HNRNPA3: variants seen among roughly 807,000 people sequenced by gnomAD.
HNRNPA3 encodes the protein epididymis secretory sperm binding protein.
A neutral mutation model predicts 45.8 loss-of-function variants in HNRNPA3; 3 were observed. That is an observed-to-expected ratio of 0.07 (90% CI 0.03 to 0.17). The LOEUF (loss-of-function observed/expected upper bound fraction) is 0.17, where lower values mean the gene tolerates loss of function less well. Among genes scored for constraint, HNRNPA3 ranks in the 10% least tolerant of loss-of-function variants. The pLI is 1.00. For synonymous variants in HNRNPA3, 170 were observed against 155.6 expected (o/e 1.09, Z -0.69); for missense variants, 183 against 480.3 (o/e 0.38, Z 5.79).
In HNRNPA3 at chr2:177,216,247, A is replaced by G. The variant is rs1688925493; in HGVS notation, c.553+59A>G. On this transcript the variant is annotated intron_variant, in intron 4 of 10. Coordinates refer to ENST00000392524, the Ensembl canonical transcript of HNRNPA3. ...AGTAGAACTGGTTTTTCTGTTTTGA[A>G]CTAAATTTGCTAAATTGTAATTTTC... 5 of 1,203,284 alleles carry G rather than the reference A, an allele frequency of 4.2e-6. No homozygotes were observed. In the East Asian group the frequency reaches 1.2e-4, roughly 28 times the overall value. The allele number at this position is 1,203,284 out of a possible 1,614,324, so 74.5% of individuals were successfully genotyped here. A position where few individuals can be genotyped will look rare whatever the true frequency, so the allele number is the denominator to read the frequency against.
chr2:177,218,284 G>A (rs766763322), intron 8 of HNRNPA3, among the ~76,000 whole-genome samples: 13 of 152,066 alleles, frequency 8.5e-5, no homozygotes, highest in South Asian at 4.2e-4. Flanking sequence ...GGATGGTCTC[G>A]ATCTCCTGAC....
chr2:177,214,607 A>G (rs993101252), intron 1 of HNRNPA3, among the ~76,000 whole-genome samples: 1 of 152,172 alleles, frequency 6.6e-6, no homozygotes, highest in African/African-American at 2.4e-5. Context: ...CATTCTGGCT[A>G]ACACGGTGAA....
chr2:177,222,983 C>T (rs909318180), downstream of HNRNPA3: 3 of 152,512 alleles, frequency 2.0e-5, no homozygotes, highest in African/African-American at 4.8e-5. Context: ...ACTGAATTAC[C>T]GTTCAAACTG....
At chr2:177,223,812 G>A (rs1471968391), downstream of HNRNPA3, 2 of 152,160 alleles carry the variant, frequency 1.3e-5, no homozygotes, top group Non-Finnish European at 2.9e-5. Flanking sequence ...ATAATGAAAT[G>A]TTTACAGAAA....
intron 8 of HNRNPA3, among the ~76,000 whole-genome samples, chr2:177,218,249 A>C (rs1056386970): frequency 6.6e-6 from 1 of 151,756 alleles, no homozygotes; most frequent in Non-Finnish European, 1.5e-5. Context: ...TTTTTAGTAG[A>C]GATGGGGTTT....
chr2:177,213,149 C>G (rs1182605345), intron 1 of HNRNPA3, among the ~76,000 whole-genome samples: 2 of 149,596 alleles, frequency 1.3e-5, no homozygotes, highest in Non-Finnish European at 3.0e-5. Context: ...GCCTCCGAAG[C>G]GAGGCCGAGG....
exon 6 of HNRNPA3, chr2:177,216,696 A>C (rs1411759310): frequency 1.2e-6 from 2 of 1,614,160 alleles, no homozygotes; most frequent in Middle Eastern, 1.6e-4. Flanking sequence ...TGGATCTGGC[A>C]ATTTTATGGG....
intron 1 of HNRNPA3, 49 bp downstream of exon 1, chr2:177,212,920 GC>G (rs780507149): frequency 1.5e-4 from 188 of 1,221,170 alleles, no homozygotes; most frequent in Non-Finnish European, 2.0e-4. Flanking sequence ...GGCGTTGGGG[GC>G]CTGGTTCGGT....
downstream of HNRNPA3, chr2:177,222,317 T>C (rs1689214913): frequency 6.6e-6 from 1 of 152,220 alleles, no homozygotes; most frequent in Non-Finnish European, 1.5e-5. Context: ...CCCTGCGAAA[T>C]AGCCATAAGT....
intron 8 of HNRNPA3, 58 bp downstream of exon 8, chr2:177,217,903 A>G (rs1440021179): frequency 6.4e-6 from 9 of 1,416,148 alleles, no homozygotes; most frequent in African/African-American, 5.8e-5. Context: ...AACAGTTCCC[A>G]TGACACATAT....
chr2:177,217,630 C>A (rs959403769), intron 7 of HNRNPA3, 75 bp from the exon 8 acceptor site: 42 of 1,564,804 alleles, frequency 2.7e-5, no homozygotes, highest in Admixed American at 1.2e-4. Context: ...CAGTCTCTTA[C>A]ACACACACCA....
rs374425568 is a variant in HNRNPA3 at position 177,219,234 on chromosome 2, T to C, written c.1085-13T>C. On this transcript the variant is annotated splice_polypyrimidine_tract_variant and intron_variant, in intron 9 of 10. Coordinates refer to ENST00000392524, the Ensembl canonical transcript of HNRNPA3. Reference sequence around the variant, plus strand: ...TGTGCATACTTCTTTTAAAATACTATGTATATTTTCAGGTGGTTATGGATC... The same window carrying C: ...TGTGCATACTTCTTTTAAAATACTACGTATATTTTCAGGTGGTTATGGATC... 46 of 1,612,498 alleles carry C rather than the reference T, an allele frequency of 2.9e-5. No individual in the cohort carries two copies. The African/African-American group carries it at 3.9e-4, about 14-fold the overall frequency.
intron 4 of HNRNPA3, 119 bp downstream of exon 4, chr2:177,216,307 A>T (rs1001366569): frequency 1.6e-5 from 12 of 751,106 alleles, no homozygotes; most frequent in Non-Finnish European, 2.6e-5. Flanking sequence ...TGTATAGTCA[A>T]TTTTCATAGT....
intron 1 of HNRNPA3, among the ~76,000 whole-genome samples, chr2:177,213,972 A>G (rs561124057): frequency 9.2e-5 from 14 of 152,366 alleles, no homozygotes; most frequent in Admixed American, 5.2e-4. Context: ...GCTTTAGGCT[A>G]TTAACGTTTT....
chr2:177,214,554 G>T (rs1688843126), intron 1 of HNRNPA3, among the ~76,000 whole-genome samples: 1 of 152,170 alleles, frequency 6.6e-6, no homozygotes, highest in African/African-American at 2.4e-5. Context: ...CTAGCACTTT[G>T]GGAGGCCGAG....
At chr2:177,223,732 T>G (rs1390213583), downstream of HNRNPA3, 1 of 152,224 alleles carries the variant, frequency 6.6e-6, no homozygotes, top group African/African-American at 2.4e-5. Flanking sequence ...ACTTTAAAAC[T>G]TAAGTATGTT....
At chr2:177,216,899 A>G (rs146716980) in exon 7 of HNRNPA3, 2 of 1,594,940 alleles carry the variant, frequency 1.3e-6, no homozygotes, top group African/African-American at 2.7e-5. Context: ...AGAGGTAGTT[A>G]TGGAGGAGGT....
chr2:177,223,490 C>A (rs1689278352), downstream of HNRNPA3: 1 of 151,930 alleles, frequency 6.6e-6, no homozygotes, highest in African/African-American at 2.4e-5. Context: ...TATTACACTT[C>A]TAAAAAGCTG....
intron 7 of HNRNPA3, among the ~76,000 whole-genome samples, chr2:177,217,398 G>A (rs1664736031): frequency 6.6e-6 from 1 of 152,198 alleles, no homozygotes; most frequent in African/African-American, 2.4e-5. Context: ...TATTCAGGAG[G>A]CTGAGGCAGA....
Sources: gnomAD v4.1 joint callset for allele counts (sites outside exome capture counted in the v4.1 genomes callset) on GRCh38, gnomAD v4.1.1 for gene constraint, MANE v1.5 for transcripts, NCBI Gene and HGNC (gene_info 2026-07-23, HGNC 2026-07-21) for gene names.